OSBPL6: variants seen among roughly 807,000 people sequenced by gnomAD.
OSBPL6 encodes oxysterol binding protein like 6.
In OSBPL6, 49 loss-of-function variants were observed where a neutral mutation model predicts 125.8. The observed-to-expected ratio is 0.39, with a 90% CI of 0.31 to 0.49. The LOEUF (loss-of-function observed/expected upper bound fraction) is 0.49. Ranked by LOEUF, OSBPL6 falls within the 20% of genes least tolerant of loss-of-function variation. The pLI is 0.88. For synonymous variants in OSBPL6, 394 were observed against 391.8 expected, an observed-to-expected ratio of 1.01 and a Z score of -0.07; for missense variants, 986 against 1,135.4, an observed-to-expected ratio of 0.87 and a Z score of 1.89.
rs750198977 is a variant in OSBPL6, at chr2:178,332,995, C to G, written c.611C>G (p.Thr204Arg). ...ASFHIFPSTS[T>R]AESSPAANVS... Reference sequence around the variant, plus strand: ...TTTCACATATTTCCTTCAACGTCCACAGCTGAATCCTCACCAGCTGCTAAT... The same window carrying G: ...TTTCACATATTTCCTTCAACGTCCAGAGCTGAATCCTCACCAGCTGCTAAT... Residue 204 changes from threonine to arginine, a missense_variant, in exon 8 of 25, where the codon ACA becomes AGA. By Grantham distance (71) the Thr-to-Arg change is moderately conservative (BLOSUM62 -1). Coordinates refer to ENST00000190611, the MANE Select transcript of OSBPL6 (RefSeq NM_032523.4). 1.9e-6 allele frequency: 3 copies of G among 1,614,172 alleles called. No individual in the cohort carries two copies. The highest frequency in any genetic ancestry group is 2.5e-6 in the Non-Finnish European group (3 of 1,180,018).
intron 2 of OSBPL6, among the ~76,000 whole-genome samples, chr2:178,300,438 T>C (rs1248239127): frequency 6.6e-6 from 1 of 152,208 alleles, no homozygotes; most frequent in African/African-American, 2.4e-5. Context: ...GGAGGCAGGA[T>C]GAAGGTCTGC....
chr2:178,235,431 A>G (rs1326193341), intron 1 of OSBPL6, among the ~76,000 whole-genome samples: 2 of 107,698 alleles, frequency 1.9e-5, no homozygotes, highest in Middle Eastern at 7.5e-3. Flanking sequence ...TTTTGAGACA[A>G]AGTCTCGCTG....
At chr2:178,299,337 T>C (rs1686061612) in intron 2 of OSBPL6, among the ~76,000 whole-genome samples, 1 of 152,230 alleles carries the variant, frequency 6.6e-6, no homozygotes. Context: ...TTGCATAGAC[T>C]AGTTTCTAGA....
At chr2:178,376,476 G>GTTCCCATCTGCTCCCCACCTAGATC (rs1693886019) in intron 15 of OSBPL6, among the ~76,000 whole-genome samples, 1 of 151,752 alleles carries the variant, frequency 6.6e-6, no homozygotes, top group Non-Finnish European at 1.5e-5. Context: ...CTCCAATTCA[G>GTTCCCATCTGCTCCCCACCTAGATC]TTCCCATCTG....
chr2:178,384,074 C>G lies in OSBPL6; in HGVS notation c.1911C>G (p.Cys637Trp), dbSNP rs776879640. Reference protein sequence around the residue: ...LVAAFAVSGYCSTYFRAGSKP... With the variant: ...LVAAFAVSGYWSTYFRAGSKP... ...CCGCATTTGCAGTTTCAGGATACTG[C>G]TCCACCTATTTCAGAGCAGGAAGTA... The change falls in exon 18 of 25, where the codon TGC becomes TGG. Residue 637 changes from cysteine to tryptophan, a missense_variant. By Grantham distance (215) the Cys-to-Trp change is radical. Transcript: ENST00000190611. 6.2e-7 allele frequency: 1 copy of G among 1,614,006 alleles called. No homozygotes were observed. The highest frequency in any genetic ancestry group is 8.5e-7 in the Non-Finnish European group (1 of 1,179,966).
At position 178,383,660 on chromosome 2, in the gene OSBPL6, G is replaced by A. The variant is rs919805893; in HGVS notation, c.1876-379G>A. On this transcript the variant is annotated intron_variant, in intron 17 of 24. Coordinates refer to ENST00000190611, the MANE Select transcript of OSBPL6 (RefSeq NM_032523.4). ...ACTTCACCCTTTATCCCATATGGCT[G>A]TGGGAAACATGCCATGCCCTCTGAA... 8.5e-5 allele frequency among the ~76,000 whole-genome samples: 13 copies of A among 152,272 alleles called. No homozygotes were observed. In the East Asian group the frequency reaches 2.1e-3, roughly 25 times the overall value.
intron 2 of OSBPL6, among the ~76,000 whole-genome samples, chr2:178,287,124 C>T (rs372884481): frequency 3.4e-5 from 5 of 146,724 alleles, no homozygotes; most frequent in African/African-American, 1.3e-4. Flanking sequence ...CTGACATACT[C>T]CTAAAACAAT....
intron 2 of OSBPL6, among the ~76,000 whole-genome samples, chr2:178,293,512 T>A (rs1052369212): frequency 1.3e-5 from 2 of 152,188 alleles, no homozygotes; most frequent in Non-Finnish European, 2.9e-5. Context: ...GATTAATTTT[T>A]GTGGGTATGT....
intron 17 of OSBPL6, among the ~76,000 whole-genome samples, chr2:178,383,488 C>T (rs995359772): frequency 2.0e-5 from 3 of 152,220 alleles, no homozygotes; most frequent in Non-Finnish European, 2.9e-5. Context: ...TATCCTTGGT[C>T]TAGAGTGTTT....
intron 1 of OSBPL6, among the ~76,000 whole-genome samples, chr2:178,251,132 G>T (rs1388006507): frequency 6.6e-6 from 1 of 152,082 alleles, no homozygotes; most frequent in Non-Finnish European, 1.5e-5. Flanking sequence ...AGCCTAACAA[G>T]GGAGTGTGGT....
chr2:178,302,932 T>C (rs965887457), intron 2 of OSBPL6, among the ~76,000 whole-genome samples: 2 of 152,202 alleles, frequency 1.3e-5, no homozygotes, highest in Non-Finnish European at 2.9e-5. Context: ...TGGAAGCACT[T>C]GAACGCATCA....
intron 1 of OSBPL6, among the ~76,000 whole-genome samples, chr2:178,225,197 G>T (rs1574539412): frequency 1.3e-5 from 2 of 151,286 alleles, no homozygotes; most frequent in Admixed American, 1.3e-4. Context: ...TCTCTAGAGA[G>T]CAGTAAGCTG....
At chr2:178,338,745 G>A (rs895819656) in intron 9 of OSBPL6, among the ~76,000 whole-genome samples, 22 of 152,302 alleles carry the variant, frequency 1.4e-4, no homozygotes, top group African/African-American at 4.8e-4. Flanking sequence ...CATACAGTGT[G>A]ACTGAGAGTT....
At chr2:178,224,850 G>A (rs561514575) in intron 1 of OSBPL6, among the ~76,000 whole-genome samples, 9 of 152,184 alleles carry the variant, frequency 5.9e-5, no homozygotes, top group African/African-American at 9.7e-5. Context: ...CAGGAGGATC[G>A]CTCAAGCCCG....
In OSBPL6 at chr2:178,332,943, A is replaced by G; in HGVS notation, c.559A>G (p.Ile187Val). Residue 187 changes from isoleucine (I) to valine (V), a missense_variant, in exon 8 of 25, where the codon ATT becomes GTT. Physicochemically the swap from Ile to Val is conservative, Grantham distance 29. This residue lies in a region of OSBPL6 where 843 missense variants were observed against 997.3 expected (regional missense o/e 0.85). Coordinates refer to ENST00000190611, the MANE Select transcript of OSBPL6 (RefSeq NM_032523.4). ...RHHRLYRQNE[I>V]VRSPRDASFH... ...TCATCGGTTGTATCGTCAGAATGAA[A>G]TTGTGAGATCACCAAGAGATGCTAG... The G allele has an allele frequency of 6.2e-7, 1 of 1,614,228 alleles. No individual in the cohort carries two copies. The highest frequency in any genetic ancestry group is 8.5e-7 in the Non-Finnish European group (1 of 1,180,030).
At chr2:178,363,142 A>C (rs1692506427) in intron 13 of OSBPL6, among the ~76,000 whole-genome samples, 1 of 152,196 alleles carries the variant, frequency 6.6e-6, no homozygotes, top group African/African-American at 2.4e-5. Context: ...TTAATGATGG[A>C]GGCTTAGAGT....
At chr2:178,219,424 T>C (rs2090243859) in intron 1 of OSBPL6, among the ~76,000 whole-genome samples, 1 of 152,220 alleles carries the variant, frequency 6.6e-6, no homozygotes, top group Non-Finnish European at 1.5e-5. Context: ...GCTTTAATCC[T>C]ACTATCTGGC....
chr2:178,355,597 A>G (rs1187294348), intron 12 of OSBPL6, among the ~76,000 whole-genome samples: 1 of 152,226 alleles, frequency 6.6e-6, no homozygotes, highest in Non-Finnish European at 1.5e-5. Flanking sequence ...AATAATTAAT[A>G]GCCTACCAAC....
chr2:178,283,492 G>C (rs1234487045), intron 1 of OSBPL6, among the ~76,000 whole-genome samples: 1 of 152,192 alleles, frequency 6.6e-6, no homozygotes, highest in Admixed American at 6.5e-5. Context: ...GCCTGCTAGA[G>C]AGGTTTATGG....
Sources: gnomAD v4.1 joint callset for allele counts (sites outside exome capture counted in the v4.1 genomes callset) on GRCh38, gnomAD v4.1.1 for gene constraint, gnomAD v4.1.1 regional missense constraint, MANE v1.5 for transcripts, NCBI Gene and HGNC (gene_info 2026-07-23, HGNC 2026-07-21) for gene names.